The following CDH12 variants were observed in gnomAD, a reference collection of about 807,000 sequenced individuals.
CDH12 encodes the protein cadherin-12.
Under a neutral mutation model 74.1 loss-of-function variants are expected in CDH12, and 41 were observed. That is an observed-to-expected ratio of 0.55 (90% confidence interval 0.43 to 0.72). The LOEUF (loss-of-function observed/expected upper bound fraction) is 0.72. Ranked by LOEUF, CDH12 falls within the 30% of genes least tolerant of loss-of-function variation. CDH12 has a pLI of 0.00. For synonymous variants in CDH12, 399 were observed against 355.0 expected (o/e 1.12, Z -1.39); for missense variants, 945 against 977.2 (o/e 0.97, Z 0.44).
intron 4 of CDH12, among the ~76,000 whole-genome samples, chr5:22,088,516 T>C (rs947443579): frequency 4.6e-5 from 7 of 152,006 alleles, no homozygotes; most frequent in African/African-American, 1.2e-4. Flanking sequence ...CTACCACCAA[T>C]GCCCCCTTAA....
intron 3 of CDH12, among the ~76,000 whole-genome samples, chr5:22,283,430 A>G (rs1737005168): frequency 6.6e-6 from 1 of 151,554 alleles, no homozygotes; most frequent in African/African-American, 2.4e-5. Flanking sequence ...AATAAATACT[A>G]TTTAGACTTA....
chr5:22,673,885 G>A (rs1014258756), intron 1 of CDH12, among the ~76,000 whole-genome samples: 5 of 152,256 alleles, frequency 3.3e-5, no homozygotes, highest in African/African-American at 1.2e-4. Context: ...ACACTTAATT[G>A]AGCAAGTAAG....
chr5:22,410,389 A>G, intron 2 of CDH12, among the ~76,000 whole-genome samples: 1 of 152,104 alleles, frequency 6.6e-6, no homozygotes, highest in East Asian at 1.9e-4. Flanking sequence ...TAAGACTTCC[A>G]TTCCAGAGAA....
At chr5:22,578,513 G>A (rs896580216) in intron 1 of CDH12, among the ~76,000 whole-genome samples, 63 of 152,104 alleles carry the variant, frequency 4.1e-4, no homozygotes, top group African/African-American at 1.5e-3. Context: ...TGTAGAATAC[G>A]GTTTTAGATT....
intron 1 of CDH12, among the ~76,000 whole-genome samples, chr5:22,718,651 T>C (rs889201090): frequency 6.6e-6 from 1 of 152,112 alleles, no homozygotes; most frequent in Non-Finnish European, 1.5e-5. Flanking sequence ...TCACTCGATA[T>C]CAGTCTTGAC....
intron 3 of CDH12, among the ~76,000 whole-genome samples, chr5:22,363,236 G>A (rs897689139): frequency 6.6e-6 from 1 of 152,006 alleles, no homozygotes; most frequent in Non-Finnish European, 1.5e-5. Context: ...AATAAATAAT[G>A]ATAATGTCAT....
At chr5:22,183,757 A>T (rs1406514699) in intron 4 of CDH12, among the ~76,000 whole-genome samples, 1 of 152,190 alleles carries the variant, frequency 6.6e-6, no homozygotes, top group Admixed American at 6.5e-5. Flanking sequence ...CTTACGAGCT[A>T]AACAGAATTG....
At chr5:21,762,131 T>A (rs1744760602) in intron 12 of CDH12, among the ~76,000 whole-genome samples, 1 of 152,152 alleles carries the variant, frequency 6.6e-6, no homozygotes, top group South Asian at 2.1e-4. Context: ...TTGTTATCCT[T>A]CTGTTATAAA....
intron 3 of CDH12, among the ~76,000 whole-genome samples, chr5:22,231,410 T>C (rs1184123416): frequency 6.6e-6 from 1 of 152,072 alleles, no homozygotes; most frequent in Admixed American, 6.5e-5. Context: ...TCTAATTTAA[T>C]GGGTATTCAA....
rs191281770 is a variant in CDH12 at position 22,146,510 on chromosome 5, A to G, written c.-187+65988T>C. Among the ~76,000 whole-genome samples, 11 of 152,238 alleles carry G rather than the reference A, an allele frequency of 7.2e-5. No individual in the cohort carries two copies. In the East Asian group the frequency reaches 1.9e-3, roughly 27 times the overall value. ...AGAAGATAGAAAAAATAACTTGGTA[A>G]TGTGTTTAAAATATTTTATGGCCTC... On this transcript the variant is annotated intron_variant, in intron 4 of 14. Transcript: ENST00000382254.
At chr5:22,712,903 T>C (rs1743361870) in intron 1 of CDH12, among the ~76,000 whole-genome samples, 1 of 152,092 alleles carries the variant, frequency 6.6e-6, no homozygotes, top group Admixed American at 6.6e-5. Flanking sequence ...ATTTAGATAG[T>C]TTGACACCTC....
At chr5:22,574,473 T>G (rs2126771167) in intron 1 of CDH12, among the ~76,000 whole-genome samples, 1 of 152,264 alleles carries the variant, frequency 6.6e-6, no homozygotes, top group South Asian at 2.1e-4. Flanking sequence ...GCTTACAATG[T>G]TTTATAAAGG....
intron 1 of CDH12, among the ~76,000 whole-genome samples, chr5:22,747,983 C>G (rs544842302): frequency 1.0e-3 from 152 of 152,204 alleles, no homozygotes; most frequent in Non-Finnish European, 1.6e-4. Context: ...CCATAAAGAG[C>G]ACACATTCAC....
chr5:22,082,949 T>A (rs1243829554), intron 4 of CDH12, among the ~76,000 whole-genome samples: 2 of 152,308 alleles, frequency 1.3e-5, no homozygotes, highest in East Asian at 3.9e-4. Context: ...CAAATTACCT[T>A]CTTTTTTAAG....
chr5:22,005,109 A>G (rs1440601282), intron 5 of CDH12, among the ~76,000 whole-genome samples: 1 of 152,032 alleles, frequency 6.6e-6, no homozygotes, highest in Non-Finnish European at 1.5e-5. Flanking sequence ...GGCGCAGTCT[A>G]GGCTCACTGC....
intron 2 of CDH12, among the ~76,000 whole-genome samples, chr5:22,413,151 T>C (rs1028221010): frequency 1.3e-5 from 2 of 151,982 alleles, no homozygotes; most frequent in African/African-American, 4.8e-5. Context: ...TGAGAAAAGT[T>C]TGAGGATAGA....
At chr5:22,782,854 T>C (rs1193127789) in intron 1 of CDH12, among the ~76,000 whole-genome samples, 3 of 152,200 alleles carry the variant, frequency 2.0e-5, no homozygotes, top group Non-Finnish European at 4.4e-5. Flanking sequence ...GTCTTCACAA[T>C]GAAACAAACA....
intron 3 of CDH12, among the ~76,000 whole-genome samples, chr5:22,400,176 T>G (rs748319365): frequency 5.3e-5 from 8 of 152,166 alleles, no homozygotes; most frequent in Non-Finnish European, 8.8e-5. Flanking sequence ...TACTGGTGTA[T>G]CTCTTTGCCT....
chr5:21,882,648 A>C (rs563408884), intron 6 of CDH12: 1 of 1,606,080 alleles, frequency 6.2e-7, no homozygotes, highest in African/African-American at 1.3e-5. Context: ...CTGGCTCCTC[A>C]TCTCACTCGA....
Sources: allele counts gnomAD v4.1 joint callset (sites outside exome capture counted in the v4.1 genomes callset), GRCh38; gene constraint gnomAD v4.1.1; transcripts MANE v1.5; gene names NCBI Gene and HGNC (gene_info 2026-07-23, HGNC 2026-07-21).